Variants in COL26A1 observed in about 807,000 individuals in gnomAD.
COL26A1 encodes collagen type XXVI alpha 1 chain.
In COL26A1, 41 loss-of-function variants were observed where a neutral mutation model predicts 59.3. The observed-to-expected ratio is 0.69, with a 90% CI of 0.54 to 0.90. The LOEUF is 0.90. Among genes scored for constraint, COL26A1 ranks in the 40% least tolerant of loss-of-function variants. COL26A1 has a pLI of 0.00. For missense variants in COL26A1, 612 were observed against 602.3 expected (o/e 1.02, Z -0.17); for synonymous variants, 266 against 256.0 (o/e 1.04, Z -0.37).
intron 7 of COL26A1, among the ~76,000 whole-genome samples, chr7:101,546,713 T>C (rs965140708): frequency 1.3e-5 from 2 of 152,152 alleles, no homozygotes; most frequent in Non-Finnish European, 2.9e-5. Flanking sequence ...ACTCCACCCC[T>C]GCTCCAGGCA....
rs535724781 is a variant in COL26A1, at chr7:101,405,188, A to G, written c.159-14789A>G. The stretch of plus-strand genomic sequence containing the variant: ...CAGTGAGCTGAGATCGCGCCACTGC[A>G]CTCCAGCCTGGGTGACGGAACAGAG... On this transcript the variant is annotated intron_variant, in intron 1 of 12. Transcript: ENST00000313669. 2.6e-5 allele frequency among the ~76,000 whole-genome samples: 4 copies of G among 152,176 alleles called. No individual in the cohort carries two copies. The East Asian group carries it at 7.7e-4, about 29-fold the overall frequency.
At chr7:101,493,427 G>A (rs1296610527) in intron 3 of COL26A1, among the ~76,000 whole-genome samples, 1 of 152,110 alleles carries the variant, frequency 6.6e-6, no homozygotes, top group Non-Finnish European at 1.5e-5. Context: ...CTGCAGAGCT[G>A]GCTTTTGCCA....
At chr7:101,557,348 C>T (rs781587304) in intron 12 of COL26A1, 22 bp from the exon 13 acceptor site, 4 of 1,601,824 alleles carry the variant, frequency 2.5e-6, no homozygotes, top group Non-Finnish European at 3.4e-6. Flanking sequence ...ACCTCGAGTC[C>T]ACCCTCCTGC....
intron 3 of COL26A1, among the ~76,000 whole-genome samples, chr7:101,451,054 TAA>T (rs1793325058): frequency 6.9e-6 from 1 of 144,232 alleles, no homozygotes; most frequent in Admixed American, 7.1e-5. Flanking sequence ...TAATAATAAT[TAA>T]TATATATTCC....
chr7:101,519,304 A>G (rs1048284741), intron 3 of COL26A1, among the ~76,000 whole-genome samples: 4 of 152,160 alleles, frequency 2.6e-5, no homozygotes, highest in Non-Finnish European at 4.4e-5. Flanking sequence ...AGGAGCCACA[A>G]ATTCTTTTTT....
At chr7:101,448,017 G>A (rs1232130838) in intron 3 of COL26A1, among the ~76,000 whole-genome samples, 1 of 152,228 alleles carries the variant, frequency 6.6e-6, no homozygotes, top group Non-Finnish European at 1.5e-5. Context: ...GCACTGGTTG[G>A]GTAGTGGAAT....
At chr7:101,417,112 C>T (rs1428622942) in intron 1 of COL26A1, among the ~76,000 whole-genome samples, 4 of 152,122 alleles carry the variant, frequency 2.6e-5, no homozygotes, top group Admixed American at 6.6e-5. Flanking sequence ...AAAATTATCT[C>T]CATCTATTTG....
intron 1 of COL26A1, among the ~76,000 whole-genome samples, chr7:101,410,727 T>C (rs1414203823): frequency 6.6e-6 from 1 of 152,042 alleles, no homozygotes; most frequent in Non-Finnish European, 1.5e-5. Context: ...AGACGGAGTC[T>C]TGCTCTGTAG....
At chr7:101,481,132 A>C (rs182812318) in intron 3 of COL26A1, among the ~76,000 whole-genome samples, 1 of 152,150 alleles carries the variant, frequency 6.6e-6, no homozygotes, top group Admixed American at 6.6e-5. Context: ...TCAGGCAAAG[A>C]GGAGATGCCA....
chr7:101,478,446 C>CA (rs1794095336), intron 3 of COL26A1, among the ~76,000 whole-genome samples: 1 of 152,190 alleles, frequency 6.6e-6, no homozygotes, highest in East Asian at 1.9e-4. Context: ...CAGCCAGACT[C>CA]AGTCACCCTT....
chr7:101,410,660 G>T (rs1584383421), intron 1 of COL26A1, among the ~76,000 whole-genome samples: 1 of 151,602 alleles, frequency 6.6e-6, no homozygotes, highest in South Asian at 2.1e-4. Flanking sequence ...GACTACAGGT[G>T]TGCACCACCA....
At chr7:101,434,344 C>T (rs1792863383) in intron 2 of COL26A1, among the ~76,000 whole-genome samples, 1 of 151,826 alleles carries the variant, frequency 6.6e-6, no homozygotes, top group Non-Finnish European at 1.5e-5. Flanking sequence ...GCCTCCAACT[C>T]CTGGTCTCCA....
rs770276777 is a variant in COL26A1, at chr7:101,438,125, G to A, written c.282-9559G>A. ...GCCTGTAATCCTAACAGTCTGGGAA[G>A]CCGAGGCGGGCGGATCACCTGAGGT... On this transcript the variant is annotated intron_variant, in intron 2 of 12. Coordinates refer to ENST00000313669, the MANE Select transcript of COL26A1 (RefSeq NM_001278563.3). Among the ~76,000 whole-genome samples the A allele has an allele frequency of 1.7e-4, 26 of 151,466 alleles. 1 individual carries two copies. Among genetic ancestry groups the A allele is most frequent in the Non-Finnish European group, 2.8e-4 (19 of 67,664 alleles).
rs1584455555 is a variant in COL26A1, at chr7:101,489,698, TG to T, written c.385+41912del. Among the ~76,000 whole-genome samples, 196 of 19,768 alleles carry T rather than the reference TG, an allele frequency of 9.9e-3. 14 individuals carry two copies. Among genetic ancestry groups the T allele is most frequent in the East Asian group, 0.042 (7 of 168 alleles). 13.0% of individuals were successfully genotyped at this position (19,768 alleles called of 152,430 possible). A position where few individuals can be genotyped will look rare whatever the true frequency, so the allele number is the denominator to read the frequency against. ...CTTCCTTCCTTTCTTTCTTTCTTTC[TG>T]TCTTTCTTTCTTTCATTCTTTCTTT... On this transcript the variant is annotated intron_variant, in intron 3 of 12. Coordinates refer to ENST00000313669, the MANE Select transcript of COL26A1 (RefSeq NM_001278563.3).
intron 3 of COL26A1, among the ~76,000 whole-genome samples, chr7:101,515,396 G>C (rs1016716283): frequency 6.6e-6 from 1 of 151,850 alleles, no homozygotes; most frequent in South Asian, 2.1e-4. Flanking sequence ...TGATTCTCCT[G>C]CCTCAGCCTC....
intron 3 of COL26A1, among the ~76,000 whole-genome samples, chr7:101,493,932 CAAAA>C (rs35060753): frequency 1.7e-5 from 2 of 120,196 alleles, no homozygotes; most frequent in African/African-American, 2.9e-5. Context: ...GACTCTGTCT[CAAAA>C]AAAAAAAAAA....
At chr7:101,492,633 G>T (rs1262704942) in intron 3 of COL26A1, among the ~76,000 whole-genome samples, 15 of 151,568 alleles carry the variant, frequency 9.9e-5, no homozygotes, top group African/African-American at 3.6e-4. Flanking sequence ...GGAGGTGGAG[G>T]TTGCAGTGAG....
In COL26A1 at chr7:101,547,147, T is replaced by C; in HGVS notation, c.857-9T>C. ...CACCAGACCCCTGGCCGCTCCGCTC[T>C]TCCCACAGATGGAGACTCAAGGCTG... On this transcript the variant is annotated splice_polypyrimidine_tract_variant and intron_variant, in intron 7 of 12. Transcript: ENST00000313669. 6.3e-7 allele frequency: 1 copy of C among 1,584,606 alleles called. No homozygotes were observed. The highest frequency in any genetic ancestry group is 1.3e-5 in the African/African-American group (1 of 74,098).
chr7:101,488,690 A>G (rs1442365095), intron 3 of COL26A1, among the ~76,000 whole-genome samples: 2 of 152,078 alleles, frequency 1.3e-5, no homozygotes, highest in African/African-American at 2.4e-5. Flanking sequence ...ACCAGTTTTA[A>G]GCGTTCAATT....
Sources: gnomAD v4.1 joint callset for allele counts (sites outside exome capture counted in the v4.1 genomes callset) on GRCh38, gnomAD v4.1.1 for gene constraint, MANE v1.5 for transcripts, NCBI Gene and HGNC (gene_info 2026-07-23, HGNC 2026-07-21) for gene names.